Variants in ATP2A3 observed in about 807,000 individuals in gnomAD.
ATP2A3 encodes the protein sarcoplasmic/endoplasmic reticulum calcium ATPase 3.
A neutral mutation model predicts 106.8 loss-of-function variants in ATP2A3; 61 were observed. The observed-to-expected ratio is 0.57, with a 90% CI of 0.46 to 0.71. The LOEUF (loss-of-function observed/expected upper bound fraction) is 0.71. Ranked by LOEUF, ATP2A3 falls within the 30% of genes least tolerant of loss-of-function variation. The pLI, the probability that ATP2A3 is intolerant of heterozygous loss-of-function variation, is 0.00. For synonymous variants in ATP2A3, 611 were observed against 609.3 expected (o/e 1.00, Z -0.04); for missense variants, 1,201 against 1,423.5 (o/e 0.84, Z 2.52).
At chr17:3,941,779 G>T in intron 12 of ATP2A3, 125 bp from the exon 13 acceptor site, 1 of 967,424 alleles carries the variant, frequency 1.0e-6, no homozygotes, top group South Asian at 1.4e-5. Flanking sequence ...CACACGCAAG[G>T]CAGGGAGCAG....
intron 14 of ATP2A3, among the ~76,000 whole-genome samples, chr17:3,939,993 G>A (rs1273817809): frequency 6.8e-6 from 1 of 146,256 alleles, no homozygotes; most frequent in Non-Finnish European, 1.5e-5. Flanking sequence ...GGGAAGGCGT[G>A]TGACGGAACT....
At chr17:3,932,755 T>C (rs1224543367) in intron 17 of ATP2A3, among the ~76,000 whole-genome samples, 2 of 150,660 alleles carry the variant, frequency 1.3e-5, no homozygotes, top group African/African-American at 2.5e-5. Context: ...GTGCTGATCA[T>C]AGAGAAGGGA....
Position 3,925,268 on chromosome 17 carries a change from G to A in ATP2A3, c.*154C>T, listed in dbSNP as rs573433558. 2.6e-5 allele frequency: 34 copies of A among 1,291,488 alleles called. No homozygotes were observed. Among genetic ancestry groups the A allele is most frequent in the Admixed American group, 3.9e-5 (2 of 51,362 alleles). The allele number at this position is 1,291,488 out of a possible 1,614,324, so 80.0% of individuals were successfully genotyped here. A position where few individuals can be genotyped will look rare whatever the true frequency, so the allele number is the denominator to read the frequency against. On this transcript the variant is annotated 3_prime_UTR_variant, in exon 21 of 21. Transcript: ENST00000397041. The surrounding 1 kb of genome is among the most constrained non-coding windows in gnomAD (Gnocchi z 4.2). ...GGACAGAGACCCCAGGACGGGGCCC[G>A]GGGATGGCCATTCTGACCTCGGGCC... is the stretch of plus-strand genomic sequence containing the variant.
At position 3,926,576 on chromosome 17, in the gene ATP2A3, G is replaced by A. The variant is rs2052718331; in HGVS notation, c.2981-1135C>T. Reference sequence around the variant, plus strand: ...GTGTTAGTCTCACCCTCTCTTTTTGGGGGAGAGTGGGGGAACAGAGTTTTG... The same window carrying A: ...GTGTTAGTCTCACCCTCTCTTTTTGAGGGAGAGTGGGGGAACAGAGTTTTG... On this transcript the variant is annotated intron_variant, in intron 20 of 20. Coordinates refer to ENST00000397041, the MANE Select transcript of ATP2A3 (RefSeq NM_005173.4). This position sits in a 1 kb window ranked among gnomAD's most constrained non-coding sequence, Gnocchi z 4.6. Among the ~76,000 whole-genome samples the A allele has an allele frequency of 6.6e-6, 1 of 152,078 alleles. No homozygotes were observed. Among genetic ancestry groups the A allele is most frequent in the Non-Finnish European group, 1.5e-5 (1 of 68,004 alleles).
At chr17:3,927,526 C>A (rs747677091) in intron 20 of ATP2A3, 45 of 985,280 alleles carry the variant, frequency 4.6e-5, no homozygotes, top group Non-Finnish European at 4.7e-5. Flanking sequence ...CCTGGCGGAC[C>A]GGCCCGGTGC....
At chr17:3,931,849 G>A (rs1177366793) in intron 17 of ATP2A3, among the ~76,000 whole-genome samples, 1 of 152,138 alleles carries the variant, frequency 6.6e-6, no homozygotes, top group Non-Finnish European at 1.5e-5. Context: ...AGAAATTGGG[G>A]CCATGTGCTG....
chr17:3,958,599 T>C (rs2054917955), intron 1 of ATP2A3, among the ~76,000 whole-genome samples: 1 of 151,836 alleles, frequency 6.6e-6, no homozygotes, highest in Non-Finnish European at 1.5e-5. Context: ...CCACCCCTGC[T>C]TTTTAGTGTA....
Position 3,925,198 on chromosome 17 carries a change from T to C in ATP2A3, c.*224A>G. On this transcript the variant is annotated 3_prime_UTR_variant, in exon 21 of 21. Transcript: ENST00000397041. The surrounding 1 kb of genome is among the most constrained non-coding windows in gnomAD (Gnocchi z 4.2). ...CAGAGCAGGGAACTTCCCAGGAGAG[T>C]CCAGGAGACAGGAATTACAGACCTC... 1.5e-6 allele frequency: 1 copy of C among 676,532 alleles called. No individual in the cohort carries two copies. Among genetic ancestry groups the C allele is most frequent in the South Asian group, 1.8e-5 (1 of 55,048 alleles). The allele number at this position is 676,532 out of a possible 1,614,324, so 41.9% of individuals were successfully genotyped here.
Position 3,929,816 on chromosome 17 carries a change from C to T in ATP2A3, c.2745-371G>A, listed in dbSNP as rs2052946641. On this transcript the variant is annotated intron_variant, in intron 18 of 20. Coordinates refer to ENST00000397041, the MANE Select transcript of ATP2A3 (RefSeq NM_005173.4). This position sits in a 1 kb window ranked among gnomAD's most constrained non-coding sequence, Gnocchi z 4.3. ...TCCTGGACCCCGCTTGGCCCCAGAC[C>T]TTTGTTCTGGACCCCTCTAACTCCC... Among the ~76,000 whole-genome samples, 1 of 151,712 alleles carries T rather than the reference C, an allele frequency of 6.6e-6. No homozygotes were observed. Among genetic ancestry groups the T allele is most frequent in the Non-Finnish European group, 1.5e-5 (1 of 67,878 alleles).
chr17:3,932,348 T>C (rs532294397), intron 17 of ATP2A3, among the ~76,000 whole-genome samples: 1 of 152,258 alleles, frequency 6.6e-6, no homozygotes, highest in South Asian at 2.1e-4. Flanking sequence ...TTCATCATAT[T>C]GGCTAGGCTG....
intron 7 of ATP2A3, among the ~76,000 whole-genome samples, chr17:3,948,187 C>T (rs963373042): frequency 5.3e-5 from 8 of 152,310 alleles, no homozygotes; most frequent in Admixed American, 2.6e-4. Context: ...AATGTGATTT[C>T]GTAAACAATC....
chr17:3,958,096 G>A (rs1311489448), intron 1 of ATP2A3, among the ~76,000 whole-genome samples: 2 of 152,244 alleles, frequency 1.3e-5, no homozygotes, highest in African/African-American at 4.8e-5. Flanking sequence ...ATCTGGTCCA[G>A]AGGGCTCAAG....
Position 3,942,126 on chromosome 17 carries a change from G to C in ATP2A3, c.1546-472C>G, listed in dbSNP as rs143805701. ...CTGGGAAGGGGGTCCAGGGATGACA[G>C]GCCCCTCAGTGGCCTCAGGTCTCAC... On this transcript the variant is annotated intron_variant, in intron 12 of 20. Coordinates refer to ENST00000397041, the MANE Select transcript of ATP2A3 (RefSeq NM_005173.4). Among the ~76,000 whole-genome samples, 1,015 of 152,212 alleles carry C rather than the reference G, an allele frequency of 6.7e-3. 4 individuals carry two copies. The highest frequency in any genetic ancestry group is 0.012 in the Non-Finnish European group (838 of 67,978).
Position 3,924,957 on chromosome 17 carries a change from A to C in ATP2A3, c.*465T>G. ...CTGACCCAGTCCCAGACCAGGCACG[A>C]AGAGAGAGGTCAGAGCCGGTAAGAA... On this transcript the variant is annotated 3_prime_UTR_variant, in exon 21 of 21. Transcript: ENST00000397041. The surrounding 1 kb of genome is among the most constrained non-coding windows in gnomAD (Gnocchi z 6.4). 9.8e-6 allele frequency: 4 copies of C among 409,640 alleles called. No individual in the cohort carries two copies. The highest frequency in any genetic ancestry group is 7.2e-5 in the South Asian group (4 of 55,866). 25.4% of individuals were successfully genotyped at this position (409,640 alleles called of 1,614,324 possible).
intron 8 of ATP2A3, 192 bp from the exon 9 acceptor site, chr17:3,945,340 G>C (rs2054054428): frequency 3.8e-6 from 2 of 532,344 alleles, no homozygotes; most frequent in Non-Finnish European, 6.7e-6. Context: ...TGCTCTGCCA[G>C]ATGTGTCCGG....
chr17:3,937,846 G>A (rs2053537788), intron 14 of ATP2A3, among the ~76,000 whole-genome samples: 1 of 152,172 alleles, frequency 6.6e-6, no homozygotes, highest in African/African-American at 2.4e-5. Context: ...GACAAAGTTG[G>A]GGAGAATATC....
intron 1 of ATP2A3, among the ~76,000 whole-genome samples, chr17:3,959,460 AG>A (rs1254229852): frequency 6.6e-6 from 1 of 152,204 alleles, no homozygotes; most frequent in Non-Finnish European, 1.5e-5. Context: ...GGTGCAGGCC[AG>A]GGCCCTGAGC....
At position 3,928,460 on chromosome 17, in the gene ATP2A3, G is replaced by T. The variant is rs1370450317; in HGVS notation, c.2980+203C>A. On this transcript the variant is annotated intron_variant, in intron 20 of 20. Coordinates refer to ENST00000397041, the MANE Select transcript of ATP2A3 (RefSeq NM_005173.4). The surrounding 1 kb of genome is among the most constrained non-coding windows in gnomAD (Gnocchi z 6.1). Reference sequence around the variant, plus strand: ...CCCGTTGCTGGCCCAGTGAGCCCAGGTCCCCTGCAGTGCAAGACCCTGCGG... The same window carrying T: ...CCCGTTGCTGGCCCAGTGAGCCCAGTTCCCCTGCAGTGCAAGACCCTGCGG... 9.9e-7 allele frequency: 1 copy of T among 1,012,346 alleles called. No homozygotes were observed. The highest frequency in any genetic ancestry group is 1.5e-6 in the Non-Finnish European group (1 of 665,988). 62.7% of individuals were successfully genotyped at this position (1,012,346 alleles called of 1,614,324 possible).
At chr17:3,938,796 G>C (rs7222395) in intron 14 of ATP2A3, among the ~76,000 whole-genome samples, 27,846 of 152,000 alleles carry the variant, frequency 0.18, 2,644 homozygotes, top group Middle Eastern at 0.29. Flanking sequence ...CTCAACCTCC[G>C]AAAGTGCTGG....
Sources: gnomAD v4.1 joint callset for allele counts (sites outside exome capture counted in the v4.1 genomes callset) on GRCh38, gnomAD v4.1.1 for gene constraint, Gnocchi (gnomAD v3.1) non-coding constraint, MANE v1.5 for transcripts, NCBI Gene and HGNC (gene_info 2026-07-23, HGNC 2026-07-21) for gene names.